Variants in HS3ST3B1 observed in about 807,000 individuals in gnomAD.
HS3ST3B1 encodes heparan sulfate glucosamine 3-O-sulfotransferase 3B1.
In HS3ST3B1, 13 loss-of-function variants were observed where a neutral mutation model predicts 21.3. The observed-to-expected ratio is 0.61, with a 90% confidence interval of 0.40 to 0.97. HS3ST3B1 has a LOEUF of 0.97. Among genes scored for constraint, HS3ST3B1 ranks in the 50% least tolerant of loss-of-function variants. HS3ST3B1 has a pLI of 0.00. For missense variants in HS3ST3B1, 459 were observed against 554.8 expected (o/e 0.83, Z 1.73); for synonymous variants, 234 against 254.8 (o/e 0.92, Z 0.78).
chr17:14,301,518 C>A lies in HS3ST3B1; in HGVS notation c.-1C>A. 1 of 1,543,470 alleles carries A rather than the reference C, an allele frequency of 6.5e-7. No individual in the cohort carries two copies. The highest frequency in any genetic ancestry group is 8.7e-7 in the Non-Finnish European group (1 of 1,154,112). ...TCCCTGGCCGCGCCCGCGGGCAGCGCATGGGGCAGCGCCTGAGTGGCGGCA... is the reference window on the plus strand; with the variant it reads ...TCCCTGGCCGCGCCCGCGGGCAGCGAATGGGGCAGCGCCTGAGTGGCGGCA... On this transcript the variant is annotated 5_prime_UTR_variant, in exon 1 of 2. Transcript: ENST00000360954.
chr17:14,308,168 G>A (rs1057283324), intron 1 of HS3ST3B1, among the ~76,000 whole-genome samples: 7 of 152,222 alleles, frequency 4.6e-5, no homozygotes, highest in South Asian at 4.1e-4. Context: ...ACTGATGTTC[G>A]TGCATGCTGA....
At chr17:14,320,781 C>T (rs1909637720) in intron 1 of HS3ST3B1, among the ~76,000 whole-genome samples, 1 of 152,094 alleles carries the variant, frequency 6.6e-6, no homozygotes, top group African/African-American at 2.4e-5. Flanking sequence ...TTAGAAATTC[C>T]ATTTCTCAGC....
intron 1 of HS3ST3B1, among the ~76,000 whole-genome samples, chr17:14,333,649 G>C (rs943657997): frequency 1.3e-5 from 2 of 151,920 alleles, no homozygotes; most frequent in African/African-American, 4.8e-5. Context: ...CTTCGGGCAG[G>C]GGGTGAGAGG....
At chr17:14,329,890 G>C (rs2142343309) in intron 1 of HS3ST3B1, among the ~76,000 whole-genome samples, 1 of 152,308 alleles carries the variant, frequency 6.6e-6, no homozygotes, top group Middle Eastern at 3.4e-3. Flanking sequence ...ACATAAAGAG[G>C]GGGCACAAGT....
chr17:14,340,297 C>A (rs557154447), intron 1 of HS3ST3B1, among the ~76,000 whole-genome samples: 49 of 152,246 alleles, frequency 3.2e-4, no homozygotes, highest in African/African-American at 1.1e-3. Context: ...CCACCAGCCC[C>A]CAGGTGATGT....
At chr17:14,330,472 T>C (rs1024399591) in intron 1 of HS3ST3B1, among the ~76,000 whole-genome samples, 5 of 152,040 alleles carry the variant, frequency 3.3e-5, no homozygotes, top group African/African-American at 7.2e-5. Flanking sequence ...TAGAGTTTCA[T>C]ATGCCCAGTG....
intron 1 of HS3ST3B1, among the ~76,000 whole-genome samples, chr17:14,308,744 T>C (rs1431493293): frequency 6.6e-6 from 1 of 152,240 alleles, no homozygotes; most frequent in African/African-American, 2.4e-5. Context: ...GCCCAGACTC[T>C]CTCGCCAAGG....
chr17:14,312,470 AT>A (rs1277355249), intron 1 of HS3ST3B1, among the ~76,000 whole-genome samples: 5 of 151,738 alleles, frequency 3.3e-5, no homozygotes, highest in Admixed American at 6.6e-5. Context: ...CCAAGATTCT[AT>A]TTTTTCATCC....
In HS3ST3B1 at chr17:14,330,001, T is replaced by A. The variant is rs146458159; in HGVS notation, c.555-15027T>A. On this transcript the variant is annotated intron_variant, in intron 1 of 1. Coordinates refer to ENST00000360954, the MANE Select transcript of HS3ST3B1 (RefSeq NM_006041.3). ...TCTTGGAAGAATTTTTTTGTAAAAG[T>A]GGCAGGACAAATGTTATCCTTTTAC... Among the ~76,000 whole-genome samples, 323 of 152,336 alleles carry A rather than the reference T, an allele frequency of 2.1e-3. 1 individual carries two copies. Among genetic ancestry groups the A allele is most frequent in the African/African-American group, 7.2e-3 (300 of 41,574 alleles).
chr17:14,333,139 A>G (rs1910073190), intron 1 of HS3ST3B1, among the ~76,000 whole-genome samples: 1 of 152,112 alleles, frequency 6.6e-6, no homozygotes, highest in Admixed American at 6.5e-5. Flanking sequence ...GATCTGTGAA[A>G]GAAAACCAGA....
chr17:14,328,316 T>TATCG (rs1439020381), intron 1 of HS3ST3B1: 11 of 152,310 alleles, frequency 7.2e-5, no homozygotes, highest in African/African-American at 2.6e-4. Flanking sequence ...GTTGCAAAGG[T>TATCG]ATCGGGCTTT....
chr17:14,338,965 C>G (rs1555550117), intron 1 of HS3ST3B1, among the ~76,000 whole-genome samples: 1 of 152,146 alleles, frequency 6.6e-6, no homozygotes, highest in Non-Finnish European at 1.5e-5. Flanking sequence ...TTCTGTCACC[C>G]TGTGTTCATG....
intron 1 of HS3ST3B1, among the ~76,000 whole-genome samples, chr17:14,306,132 G>A (rs541926275): frequency 2.1e-4 from 32 of 152,282 alleles, no homozygotes; most frequent in African/African-American, 7.5e-4. Flanking sequence ...TGGTCTCAGC[G>A]CAGACTGCAG....
At position 14,303,351 on chromosome 17, in the gene HS3ST3B1, A is replaced by T. The variant is rs1343769430; in HGVS notation, c.554+1279A>T. On this transcript the variant is annotated intron_variant, in intron 1 of 1. Transcript: ENST00000360954. The surrounding 1 kb of genome is among the most constrained non-coding windows in gnomAD (Gnocchi z 5.7). ...GGACCTGGGTGGGTTGGAGAATAAA[A>T]GAGGGCTGACCCCGCGGATTAAAAC... 6.6e-6 allele frequency among the ~76,000 whole-genome samples: 1 copy of T among 152,172 alleles called. No individual in the cohort carries two copies. The highest frequency in any genetic ancestry group is 1.5e-5 in the Non-Finnish European group (1 of 68,018).
intron 1 of HS3ST3B1, among the ~76,000 whole-genome samples, chr17:14,316,299 A>T (rs1347186220): frequency 6.6e-6 from 1 of 152,222 alleles, no homozygotes; most frequent in Non-Finnish European, 1.5e-5. Flanking sequence ...GTTGCAGTGA[A>T]TCAAGGACCC....
Position 14,345,646 on chromosome 17 carries a change from A to C in HS3ST3B1, c.1173A>C (p.Ter391CysextTer34). The change falls in exon 2 of 2, where the codon TGA becomes TGC. Residue 391 changes from the stop codon to cysteine, a stop_lost. Transcript: ENST00000360954. ...CCGGGCACGACTTTGGCTGGGATTG[A>C]GCAGACCCGGGCTATGTACCTTACC... ...QMTGHDFGWD[*>C] is the part of the protein sequence containing the mutation. The C allele has an allele frequency of 1.9e-6, 3 of 1,613,802 alleles. No homozygotes were observed. The highest frequency in any genetic ancestry group is 2.5e-6 in the Non-Finnish European group (3 of 1,179,732).
At chr17:14,311,300 A>G (rs1338942227) in intron 1 of HS3ST3B1, among the ~76,000 whole-genome samples, 1 of 151,710 alleles carries the variant, frequency 6.6e-6, no homozygotes, top group Non-Finnish European at 1.5e-5. Flanking sequence ...GCTGGTCTCA[A>G]ACTCCTGGGC....
intron 1 of HS3ST3B1, among the ~76,000 whole-genome samples, chr17:14,311,156 C>A (rs943096399): frequency 2.7e-5 from 4 of 150,934 alleles, no homozygotes; most frequent in Admixed American, 6.6e-5. Context: ...ACAACCTCTA[C>A]CTCCTGGGCT....
chr17:14,323,361 G>A (rs904058266), intron 1 of HS3ST3B1, among the ~76,000 whole-genome samples: 8 of 152,250 alleles, frequency 5.3e-5, no homozygotes, highest in East Asian at 1.9e-4. Context: ...GCATTCTGTC[G>A]TAATATTTAA....
Sources: gnomAD v4.1 joint callset for allele counts (sites outside exome capture counted in the v4.1 genomes callset) on GRCh38, gnomAD v4.1.1 for gene constraint, Gnocchi (gnomAD v3.1) non-coding constraint, MANE v1.5 for transcripts, NCBI Gene and HGNC (gene_info 2026-07-23, HGNC 2026-07-21) for gene names.